Variants in HMGCL observed in about 807,000 individuals in gnomAD.
The protein encoded by HMGCL is hydroxymethylglutaryl-CoA lyase, mitochondrial.
HMGCL carries 26 observed loss-of-function variants against 37.3 expected under a neutral mutation model. The ratio of observed to expected loss-of-function variants is 0.70; its 90% confidence interval spans 0.51 to 0.97. The LOEUF is 0.97. Ranked by LOEUF, HMGCL falls within the 50% of genes least tolerant of loss-of-function variation. The pLI, the probability that HMGCL is intolerant of heterozygous loss-of-function variation, is 0.00. For missense variants in HMGCL, 379 were observed against 398.1 expected (o/e 0.95, Z 0.41); for synonymous variants, 151 against 148.0 (o/e 1.02, Z -0.15).
At chr1:23,819,122 C>G (rs920755597) in intron 2 of HMGCL, among the ~76,000 whole-genome samples, 2 of 151,572 alleles carry the variant, frequency 1.3e-5, no homozygotes, top group African/African-American at 2.4e-5. Context: ...GAAAACCACC[C>G]TTAGAATCTC....
chr1:23,823,051 C>T (rs966725284), intron 1 of HMGCL, among the ~76,000 whole-genome samples: 19 of 152,130 alleles, frequency 1.2e-4, no homozygotes, highest in South Asian at 2.1e-4. Flanking sequence ...CAGCAGGTGC[C>T]TGCAATCCCA....
chr1:23,822,492 C>A (rs904393330), intron 1 of HMGCL, among the ~76,000 whole-genome samples: 1 of 152,060 alleles, frequency 6.6e-6, no homozygotes, highest in Non-Finnish European at 1.5e-5. Flanking sequence ...GATAAATATA[C>A]TACAACGAGG....
In HMGCL at chr1:23,806,762, T is replaced by G. The variant is rs1638417917; in HGVS notation, c.750+1373A>C. The G allele has an allele frequency of 8.4e-6, 3 of 358,914 alleles. No homozygotes were observed. The highest frequency in any genetic ancestry group is 6.3e-5 in the South Asian group (3 of 47,608). 22.2% of individuals were successfully genotyped at this position (358,914 alleles called of 1,614,324 possible). A position where few individuals can be genotyped will look rare whatever the true frequency, so the allele number is the denominator to read the frequency against. ...CTCTGTTTTGGTCACAGCTGAATCC[T>G]TAATGCTGAGAACAGTGCCTAGCAC... On this transcript the variant is annotated intron_variant, in intron 7 of 8. Coordinates refer to ENST00000374490, the MANE Select transcript of HMGCL (RefSeq NM_000191.3). The surrounding 1 kb of genome is among the most constrained non-coding windows in gnomAD (Gnocchi z 4.0).
At chr1:23,811,739 G>C (rs1638524291) in intron 5 of HMGCL, among the ~76,000 whole-genome samples, 1 of 152,178 alleles carries the variant, frequency 6.6e-6, no homozygotes, top group South Asian at 2.1e-4. Flanking sequence ...GCACAGGTCT[G>C]ATCATGGGTC....
At chr1:23,819,053 T>G (rs973076218) in intron 2 of HMGCL, among the ~76,000 whole-genome samples, 3 of 149,826 alleles carry the variant, frequency 2.0e-5, no homozygotes, top group Non-Finnish European at 4.4e-5. Flanking sequence ...AAAAAAGCTT[T>G]TCTTATTGAA....
chr1:23,806,604 C>T lies in HMGCL; in HGVS notation c.750+1531G>A, dbSNP rs1434106325. ...CTACCTTCTGAGTGAGGCCACTCTA[C>T]AGAAAGGCCTGGCACTGCCTTAACC... On this transcript the variant is annotated intron_variant, in intron 7 of 8. Coordinates refer to ENST00000374490, the MANE Select transcript of HMGCL (RefSeq NM_000191.3). This position sits in a 1 kb window ranked among gnomAD's most constrained non-coding sequence, Gnocchi z 4.0. 4.4e-6 allele frequency: 1 copy of T among 229,020 alleles called. No homozygotes were observed. Among genetic ancestry groups the T allele is most frequent in the East Asian group, 1.2e-4 (1 of 8,560 alleles). The allele number at this position is 229,020 out of a possible 1,614,324, so 14.2% of individuals were successfully genotyped here.
In HMGCL at chr1:23,820,501, C is replaced by T; in HGVS notation, c.144+9G>A. ...AAAAACTGTTTTTTTGGCTCATTTC[C>T]AACTTTACCTTTTCATTTTGTAGTC... is the stretch of plus-strand genomic sequence containing the variant. On this transcript the variant is annotated intron_variant, in intron 2 of 8. Coordinates refer to ENST00000374490, the MANE Select transcript of HMGCL (RefSeq NM_000191.3). 6.2e-7 allele frequency: 1 copy of T among 1,609,130 alleles called. No individual in the cohort carries two copies. Among genetic ancestry groups the T allele is most frequent in the East Asian group, 2.2e-5 (1 of 44,856 alleles).
At position 23,804,380 on chromosome 1, in the gene HMGCL, C is replaced by T. The variant is rs749917434; in HGVS notation, c.876+20G>A. The stretch of plus-strand genomic sequence containing the variant: ...CTGGTCAGTTCGGGGCTGTCGCCAC[C>T]AGGGGGTGGGTGGGCTTACCGTGTG... On this transcript the variant is annotated intron_variant, in intron 8 of 8. Coordinates refer to ENST00000374490, the MANE Select transcript of HMGCL (RefSeq NM_000191.3). 9.9e-6 allele frequency: 16 copies of T among 1,613,950 alleles called. No homozygotes were observed. The Admixed American group carries it at 2.7e-4, about 27-fold the overall frequency.
chr1:23,806,797 C>T lies in HMGCL; in HGVS notation c.750+1338G>A, dbSNP rs893223969. The stretch of plus-strand genomic sequence containing the variant: ...GAACAGTGCCTAGCACACTAGGCAC[C>T]GTTAGGTTAGGTTTTAATAGGTGAA... On this transcript the variant is annotated intron_variant, in intron 7 of 8. Coordinates refer to ENST00000374490, the MANE Select transcript of HMGCL (RefSeq NM_000191.3). The surrounding 1 kb of genome is among the most constrained non-coding windows in gnomAD (Gnocchi z 4.0). 1 of 373,334 alleles carries T rather than the reference C, an allele frequency of 2.7e-6. No homozygotes were observed. 23.1% of individuals were successfully genotyped at this position (373,334 alleles called of 1,614,324 possible).
intron 4 of HMGCL, among the ~76,000 whole-genome samples, chr1:23,816,088 A>ATTTTT (rs35297134): frequency 7.7e-6 from 1 of 130,466 alleles, no homozygotes; most frequent in African/African-American, 2.8e-5. Flanking sequence ...CAGCTAATTG[A>ATTTTT]TTTTTTTTTT....
intron 1 of HMGCL, among the ~76,000 whole-genome samples, chr1:23,823,964 T>C (rs955208295): frequency 2.6e-5 from 4 of 151,652 alleles, no homozygotes; most frequent in African/African-American, 9.7e-5. Context: ...TGAGGCAATA[T>C]CTAAACCTGG....
intron 6 of HMGCL, among the ~76,000 whole-genome samples, chr1:23,809,094 C>T (rs899919332): frequency 1.3e-5 from 2 of 150,628 alleles, no homozygotes; most frequent in Non-Finnish European, 3.0e-5. Flanking sequence ...TTAGTAGAGA[C>T]GGAGTTTCAC....
chr1:23,822,199 G>T (rs976457510), intron 1 of HMGCL, among the ~76,000 whole-genome samples: 6 of 152,212 alleles, frequency 3.9e-5, no homozygotes, highest in East Asian at 3.9e-4. Flanking sequence ...GTGTGGGGAG[G>T]AGTAGTCAGT....
chr1:23,806,268 C>T lies in HMGCL; in HGVS notation c.751-1743G>A, dbSNP rs868257782. On this transcript the variant is annotated intron_variant, in intron 7 of 8. Coordinates refer to ENST00000374490, the MANE Select transcript of HMGCL (RefSeq NM_000191.3). The surrounding 1 kb of genome is among the most constrained non-coding windows in gnomAD (Gnocchi z 4.0). ...GTGCCCAGCCGAGGAGCCTCTCAAA[C>T]GGAACATTTCAGATCATCTCCCTCC... 2.0e-5 allele frequency among the ~76,000 whole-genome samples: 3 copies of T among 152,136 alleles called. No homozygotes were observed. Among genetic ancestry groups the T allele is most frequent in the Admixed American group, 6.6e-5 (1 of 15,266 alleles).
Position 23,802,149 on chromosome 1 carries a change from C to T in HMGCL, c.*314G>A, listed in dbSNP as rs1382578474. The T allele has an allele frequency of 8.6e-6, 5 of 581,394 alleles. No homozygotes were observed. In the Admixed American group the frequency reaches 1.5e-4, roughly 18 times the overall value. 36.0% of individuals were successfully genotyped at this position (581,394 alleles called of 1,614,324 possible). On this transcript the variant is annotated 3_prime_UTR_variant, in exon 9 of 9. Transcript: ENST00000374490. ...TCGCGGATTCCATCCAGAGAGGAGA[C>T]TCAAGGATCATGCTAAGTAGGGAAC...
At chr1:23,825,031 T>C (rs1024890722) in intron 1 of HMGCL, among the ~76,000 whole-genome samples, 3 of 152,178 alleles carry the variant, frequency 2.0e-5, no homozygotes, top group African/African-American at 7.2e-5. Context: ...AATGAAGAGT[T>C]GGAGAGGTCT....
chr1:23,815,777 G>C (rs1444097232), intron 4 of HMGCL, among the ~76,000 whole-genome samples: 1 of 151,712 alleles, frequency 6.6e-6, no homozygotes, highest in Admixed American at 6.6e-5. Context: ...TTACAGGCGT[G>C]AGCCACCGCG....
At chr1:23,818,158 TTCTAAGAAC>T (rs1221827376) in intron 2 of HMGCL, among the ~76,000 whole-genome samples, 4 of 152,152 alleles carry the variant, frequency 2.6e-5, no homozygotes, top group African/African-American at 9.7e-5. Context: ...ACGCAAAAAA[TTCTAAGAAC>T]TCCAGGTCCA....
chr1:23,817,722 A>G (rs895302726), intron 2 of HMGCL, 139 bp from the exon 3 acceptor site: 8 of 698,434 alleles, frequency 1.1e-5, no homozygotes, highest in Non-Finnish European at 1.8e-5. Context: ...TTATTTACAT[A>G]GAAACATTAT....
Sources: gnomAD v4.1 joint callset for allele counts (sites outside exome capture counted in the v4.1 genomes callset) on GRCh38, gnomAD v4.1.1 for gene constraint, Gnocchi (gnomAD v3.1) non-coding constraint, MANE v1.5 for transcripts, NCBI Gene and HGNC (gene_info 2026-07-23, HGNC 2026-07-21) for gene names.